Variants in IPO7 observed in about 807,000 individuals in gnomAD.
IPO7 encodes the protein importin 7, also known as importin-7.
IPO7 carries 13 observed loss-of-function variants against 136.4 expected under a neutral mutation model. The observed-to-expected ratio is 0.10, with a 90% CI of 0.06 to 0.15. IPO7 has a LOEUF of 0.15. IPO7 is among the 10% of genes least tolerant of loss of function. The pLI, the probability that IPO7 is intolerant of heterozygous loss-of-function variation, is 1.00. For missense variants in IPO7, 857 were observed against 1,240.6 expected, an observed-to-expected ratio of 0.69 and a Z score of 4.65; for synonymous variants, 403 against 404.4, an observed-to-expected ratio of 1.00 and a Z score of 0.04.
At chr11:9,409,835 A>C (rs745627271) in intron 3 of IPO7, 93 bp from the exon 4 acceptor site, 74 of 911,960 alleles carry the variant, frequency 8.1e-5, no homozygotes, top group Non-Finnish European at 1.1e-4. Context: ...TTTTGAAATT[A>C]GATTTTGTCT....
In IPO7 at chr11:9,405,390, G is replaced by A. The variant is rs185442693; in HGVS notation, c.166+2019G>A. On this transcript the variant is annotated intron_variant, in intron 2 of 24. Coordinates refer to ENST00000379719, the MANE Select transcript of IPO7 (RefSeq NM_006391.3). ...GGGGTTTCACCGTGTTAGCCAGGAT[G>A]GTCTCCATCTCCTGACCTCGTGATC... is the stretch of plus-strand genomic sequence containing the variant. 2.7e-3 allele frequency among the ~76,000 whole-genome samples: 417 copies of A among 152,174 alleles called. 1 individual carries two copies. The highest frequency in any genetic ancestry group is 9.7e-3 in the African/African-American group (403 of 41,512).
intron 6 of IPO7, 61 bp downstream of exon 6, chr11:9,417,209 CTT>C: frequency 1.4e-6 from 1 of 723,944 alleles, no homozygotes; most frequent in Non-Finnish European, 2.4e-6. Context: ...CTTTTGAAGA[CTT>C]TAACTGGTGT....
In IPO7 at chr11:9,418,064, C is replaced by CTGTTT. The variant is rs975862800; in HGVS notation, c.726+933_726+937dup. 1.7e-4 allele frequency among the ~76,000 whole-genome samples: 25 copies of CTGTTT among 148,844 alleles called. 1 individual carries two copies. The highest frequency in any genetic ancestry group is 2.1e-4 in the South Asian group (1 of 4,706). On this transcript the variant is annotated intron_variant, in intron 6 of 24. Coordinates refer to ENST00000379719, the MANE Select transcript of IPO7 (RefSeq NM_006391.3). ...GGGAATTTACAGATTACTGAATACG[C>CTGTTT]TGTTTTGTTTTGTTTTGTTTTTTTG...
intron 1 of IPO7, among the ~76,000 whole-genome samples, chr11:9,389,096 C>T (rs1204061432): frequency 1.3e-5 from 2 of 151,822 alleles, no homozygotes; most frequent in Non-Finnish European, 2.9e-5. Flanking sequence ...CTCGGTTGCC[C>T]AGGCTAGAGT....
intron 6 of IPO7, among the ~76,000 whole-genome samples, chr11:9,418,110 G>A (rs1054216436): frequency 4.8e-4 from 73 of 151,052 alleles, no homozygotes; most frequent in African/African-American, 1.6e-3. Context: ...TCACTCTGTC[G>A]CCCAGGCTGG....
intron 24 of IPO7, among the ~76,000 whole-genome samples, chr11:9,444,679 C>CA (rs35362548): frequency 6.6e-6 from 1 of 151,624 alleles, no homozygotes; most frequent in African/African-American, 2.4e-5. Flanking sequence ...ACTAAAAATA[C>CA]AAAAAATTAC....
chr11:9,440,001 TTA>T (rs1427995757), intron 22 of IPO7, among the ~76,000 whole-genome samples: 4 of 152,224 alleles, frequency 2.6e-5, no homozygotes, highest in Admixed American at 2.6e-4. Flanking sequence ...CACTATAACA[TTA>T]TGTTAATTAA....
At chr11:9,414,529 G>T in intron 5 of IPO7, 118 bp downstream of exon 5, 1 of 583,010 alleles carries the variant, frequency 1.7e-6, no homozygotes, top group South Asian at 3.4e-5. Context: ...TACATTAAGT[G>T]GATGATTTTC....
In IPO7 at chr11:9,440,621, C is replaced by A. The variant is rs144700189; in HGVS notation, c.2862C>A (p.Asn954Lys). ...GYSTIIDDED[N>K]PVDEYQIFKA... ...CCACAATCATTGATGATGAAGATAACCCTGTTGATGAGTATCAGATATTTA... is the reference window on the plus strand; with the variant it reads ...CCACAATCATTGATGATGAAGATAAACCTGTTGATGAGTATCAGATATTTA... Residue 954 changes from asparagine to lysine, a missense_variant, in exon 23 of 25, where the codon AAC becomes AAA. Physicochemically the swap from Asn to Lys is moderately conservative, Grantham distance 94. Transcript: ENST00000379719. The A allele has an allele frequency of 1.2e-6, 2 of 1,613,366 alleles. No individual in the cohort carries two copies. Among genetic ancestry groups the A allele is most frequent in the African/African-American group, 2.7e-5 (2 of 74,890 alleles).
chr11:9,407,144 G>A (rs1321221469), intron 2 of IPO7, among the ~76,000 whole-genome samples: 4 of 152,212 alleles, frequency 2.6e-5, no homozygotes, highest in African/African-American at 9.7e-5. Context: ...TGCATCCAGA[G>A]ACATTGGGAC....
At chr11:9,431,076 G>T in intron 16 of IPO7, 73 bp downstream of exon 16, 1 of 1,200,780 alleles carries the variant, frequency 8.3e-7, no homozygotes, top group Non-Finnish European at 1.2e-6. Context: ...TATCTCTCTG[G>T]CATCTCATGT....
At chr11:9,401,079 G>A (rs1854788446) in intron 1 of IPO7, among the ~76,000 whole-genome samples, 1 of 152,058 alleles carries the variant, frequency 6.6e-6, no homozygotes, top group South Asian at 2.1e-4. Flanking sequence ...TACTCTGGAG[G>A]CTGAGGCAGG....
At chr11:9,395,684 AT>A (rs1030443073) in intron 1 of IPO7, among the ~76,000 whole-genome samples, 2 of 152,032 alleles carry the variant, frequency 1.3e-5, no homozygotes, top group Admixed American at 1.3e-4. Flanking sequence ...ATACTTTCTT[AT>A]TTTTACTTCA....
At chr11:9,431,048 C>T (rs780335159) in intron 16 of IPO7, 45 bp downstream of exon 16, 1 of 1,547,412 alleles carries the variant, frequency 6.5e-7, no homozygotes, top group Non-Finnish European at 8.9e-7. Flanking sequence ...CCATTTTATG[C>T]TTTTTAGAGG....
intron 22 of IPO7, among the ~76,000 whole-genome samples, 155 bp from the exon 23 acceptor site, chr11:9,440,300 A>G (rs1222277573): frequency 6.6e-6 from 1 of 152,232 alleles, no homozygotes; most frequent in African/African-American, 2.4e-5. Context: ...TTTCATTTCT[A>G]TTCATTATTG....
At chr11:9,426,660 C>T (rs1261597295) in intron 12 of IPO7, among the ~76,000 whole-genome samples, 1 of 152,114 alleles carries the variant, frequency 6.6e-6, no homozygotes, top group Non-Finnish European at 1.5e-5. Context: ...GTCTTTGTGG[C>T]TTTGAAATTT....
In IPO7 at chr11:9,420,446, G is replaced by C; in HGVS notation, c.762G>C (p.Glu254Asp). 1 of 1,612,068 alleles carries C rather than the reference G, an allele frequency of 6.2e-7. No homozygotes were observed. The highest frequency in any genetic ancestry group is 1.1e-5 in the South Asian group (1 of 90,986). The change falls in exon 7 of 25, where the codon GAG (glutamate) becomes GAC (aspartate). Residue 254 changes from glutamate to aspartate, a missense_variant. This residue lies in a region of IPO7 where 287 missense variants were observed against 307.5 expected (regional missense o/e 0.93). Transcript: ENST00000379719. ...TLQVEEDDRP[E>D]LPWWKCKKWA... ...AAGTTGAAGAAGATGATCGACCTGA[G>C]TTACCATGGTGGAAATGCAAGAAGT...
intron 6 of IPO7, 61 bp downstream of exon 6, chr11:9,417,209 CT>C: frequency 2.8e-6 from 2 of 723,944 alleles, no homozygotes; most frequent in Non-Finnish European, 4.7e-6. Context: ...CTTTTGAAGA[CT>C]TTAACTGGTG....
At chr11:9,418,168 T>C (rs1361215229) in intron 6 of IPO7, among the ~76,000 whole-genome samples, 1 of 151,740 alleles carries the variant, frequency 6.6e-6, no homozygotes, top group African/African-American at 2.4e-5. Flanking sequence ...CCTCCCAGGT[T>C]CAAGCAATTC....
Sources: gnomAD v4.1 joint callset for allele counts (sites outside exome capture counted in the v4.1 genomes callset) on GRCh38, gnomAD v4.1.1 for gene constraint, gnomAD v4.1.1 regional missense constraint, MANE v1.5 for transcripts, NCBI Gene and HGNC (gene_info 2026-07-23, HGNC 2026-07-21) for gene names.